The following SUPT3H variants were observed in gnomAD, a reference collection of about 807,000 sequenced individuals.
The protein encoded by SUPT3H is transcription initiation protein SPT3 homolog.
In SUPT3H, 44 loss-of-function variants were observed where a neutral mutation model predicts 44.3. The ratio of observed to expected loss-of-function variants is 0.99; its 90% CI spans 0.78 to 1.28. The LOEUF is 1.28. Among genes scored for constraint, SUPT3H ranks in the 50% most tolerant of loss-of-function variants. The pLI is 0.00. For missense variants in SUPT3H, 380 were observed against 387.1 expected (o/e 0.98, Z 0.15); for synonymous variants, 124 against 125.6 (o/e 0.99, Z 0.09).
At chr6:45,104,250 G>A (rs1193497736) in intron 3 of SUPT3H, among the ~76,000 whole-genome samples, 1 of 152,000 alleles carries the variant, frequency 6.6e-6, no homozygotes, top group Non-Finnish European at 1.5e-5. Flanking sequence ...TTATAATGTT[G>A]TCATATAAAA....
At chr6:44,860,931 T>C (rs1186868622) in intron 10 of SUPT3H, among the ~76,000 whole-genome samples, 1 of 152,070 alleles carries the variant, frequency 6.6e-6, no homozygotes, top group Non-Finnish European at 1.5e-5. Flanking sequence ...GGAATTTCTG[T>C]ATTAAACAGT....
intron 3 of SUPT3H, among the ~76,000 whole-genome samples, chr6:45,048,356 C>T (rs1789758348): frequency 6.6e-6 from 1 of 151,488 alleles, no homozygotes; most frequent in South Asian, 2.1e-4. Context: ...TGTCATGGAG[C>T]TTTCCTCCTG....
chr6:45,198,113 A>AT (rs1186407650), intron 2 of SUPT3H, among the ~76,000 whole-genome samples: 1 of 151,354 alleles, frequency 6.6e-6, no homozygotes, highest in Non-Finnish European at 1.5e-5. Context: ...TTGAATACCC[A>AT]TTTTTACTTT....
Position 45,251,652 on chromosome 6 carries a change from G to C in SUPT3H, c.101+113549C>G, listed in dbSNP as rs73735326. Among the ~76,000 whole-genome samples the C allele has an allele frequency of 3.9e-3, 595 of 152,214 alleles. 7 individuals carry two copies. Among genetic ancestry groups the C allele is most frequent in the African/African-American group, 0.014 (567 of 41,532 alleles). ...AAGAAGGTATTTTCAAGTAGAAAAA[G>C]ACATGCTTAAATAAAACACCTCTCT... On this transcript the variant is annotated intron_variant, in intron 2 of 10. Coordinates refer to ENST00000371459, the MANE Select transcript of SUPT3H (RefSeq NM_003599.4).
chr6:44,976,961 T>C (rs1043554065), intron 6 of SUPT3H, among the ~76,000 whole-genome samples: 4 of 152,182 alleles, frequency 2.6e-5, no homozygotes, highest in Non-Finnish European at 4.4e-5. Context: ...GTTAAGATAT[T>C]TGATGATGAA....
intron 10 of SUPT3H, among the ~76,000 whole-genome samples, chr6:44,876,472 G>A (rs1777288752): frequency 7.9e-6 from 1 of 127,018 alleles, no homozygotes; most frequent in Non-Finnish European, 1.6e-5. Context: ...ATGGACACTG[G>A]AAGGGGAATA....
intron 10 of SUPT3H, among the ~76,000 whole-genome samples, chr6:44,834,160 G>A (rs1202928220): frequency 6.6e-6 from 1 of 152,168 alleles, no homozygotes; most frequent in Non-Finnish European, 1.5e-5. Context: ...CATAGTGAGA[G>A]CTGAGAACAG....
rs9472390 is a variant in SUPT3H at position 44,880,947 on chromosome 6, C to G, written c.913-51090G>C. Among the ~76,000 whole-genome samples, 3 of 152,062 alleles carry G rather than the reference C, an allele frequency of 2.0e-5. No individual in the cohort carries two copies. In the East Asian group the frequency reaches 5.8e-4, roughly 29 times the overall value. Reference sequence around the variant, plus strand: ...AAGCACTAAATATGGAAAGGAACAACCAGTACCAGCCATTGCAAAAACATA... The same window carrying G: ...AAGCACTAAATATGGAAAGGAACAAGCAGTACCAGCCATTGCAAAAACATA... On this transcript the variant is annotated intron_variant, in intron 10 of 10. Transcript: ENST00000371459.
intron 10 of SUPT3H, among the ~76,000 whole-genome samples, chr6:44,918,889 T>C (rs1768211900): frequency 6.6e-6 from 1 of 152,214 alleles, no homozygotes; most frequent in African/African-American, 2.4e-5. Context: ...AAATGTTTTC[T>C]TTCATAAATC....
chr6:45,038,318 C>T (rs1787992859), intron 3 of SUPT3H, among the ~76,000 whole-genome samples: 1 of 152,060 alleles, frequency 6.6e-6, no homozygotes, highest in Non-Finnish European at 1.5e-5. Context: ...GTACTTTCTT[C>T]TTTAGATAGG....
chr6:44,847,188 T>C (rs1478196034), intron 10 of SUPT3H, among the ~76,000 whole-genome samples: 1 of 152,212 alleles, frequency 6.6e-6, no homozygotes, highest in East Asian at 1.9e-4. Context: ...TTTGGGACTG[T>C]GCTAGCTACT....
At chr6:44,995,815 G>C (rs1781191514) in intron 6 of SUPT3H, among the ~76,000 whole-genome samples, 1 of 151,890 alleles carries the variant, frequency 6.6e-6, no homozygotes, top group South Asian at 2.1e-4. Context: ...TGAGGATTAA[G>C]AGAAACATAA....
At chr6:45,024,159 G>GA (rs1785592076) in intron 3 of SUPT3H, among the ~76,000 whole-genome samples, 1 of 152,002 alleles carries the variant, frequency 6.6e-6, no homozygotes, top group South Asian at 2.1e-4. Context: ...ACTTTGTTAG[G>GA]AAAAAACTCC....
chr6:44,884,207 G>C (rs996837663), intron 10 of SUPT3H, among the ~76,000 whole-genome samples: 11 of 152,168 alleles, frequency 7.2e-5, no homozygotes, highest in African/African-American at 2.2e-4. Flanking sequence ...GATATGAACA[G>C]ATACTTCTGA....
At chr6:45,298,748 G>A (rs1308701848) in intron 2 of SUPT3H, among the ~76,000 whole-genome samples, 1 of 152,044 alleles carries the variant, frequency 6.6e-6, no homozygotes, top group Non-Finnish European at 1.5e-5. Context: ...GGTAAAATCT[G>A]AAAATATCCC....
At chr6:44,899,842 G>A (rs552745389) in intron 10 of SUPT3H, among the ~76,000 whole-genome samples, 2 of 152,156 alleles carry the variant, frequency 1.3e-5, no homozygotes, top group African/African-American at 4.8e-5. Flanking sequence ...TACTCTGGAG[G>A]TTGATCCATG....
At chr6:44,918,318 G>T (rs1172017463) in intron 10 of SUPT3H, among the ~76,000 whole-genome samples, 1 of 152,048 alleles carries the variant, frequency 6.6e-6, no homozygotes, top group African/African-American at 2.4e-5. Flanking sequence ...CCTTTTCTGA[G>T]AATTAAAAAG....
chr6:44,843,522 C>T lies in SUPT3H; in HGVS notation c.913-13665G>A, dbSNP rs200162507. Among the ~76,000 whole-genome samples, 3 of 152,070 alleles carry T rather than the reference C, an allele frequency of 2.0e-5. No individual in the cohort carries two copies. The East Asian group carries it at 5.8e-4, about 29-fold the overall frequency. On this transcript the variant is annotated intron_variant, in intron 10 of 10. Transcript: ENST00000371459. ...AGAATCTACAGAAAACTTACTGGAACTAGAGAGTTTAGTAAGGTTATAGGC... is the reference window on the plus strand; with the variant it reads ...AGAATCTACAGAAAACTTACTGGAATTAGAGAGTTTAGTAAGGTTATAGGC...
At chr6:45,256,975 T>C (rs990653107) in intron 2 of SUPT3H, among the ~76,000 whole-genome samples, 5 of 152,230 alleles carry the variant, frequency 3.3e-5, no homozygotes, top group African/African-American at 9.6e-5. Flanking sequence ...TGCTAGGTCA[T>C]GTCGTAATTC....
Sources: gnomAD v4.1 joint callset for allele counts (sites outside exome capture counted in the v4.1 genomes callset) on GRCh38, gnomAD v4.1.1 for gene constraint, MANE v1.5 for transcripts, NCBI Gene and HGNC (gene_info 2026-07-23, HGNC 2026-07-21) for gene names.